The following ZP4 variants were observed in gnomAD, a reference collection of about 807,000 sequenced individuals.
ZP4 encodes the protein zona pellucida sperm-binding protein 4.
A neutral mutation model predicts 62.3 loss-of-function variants in ZP4; 62 were observed. The ratio of observed to expected loss-of-function variants is 0.99; its 90% CI spans 0.81 to 1.23. The LOEUF (loss-of-function observed/expected upper bound fraction) is 1.23. Ranked by LOEUF, ZP4 falls within the 50% of genes most tolerant of loss-of-function variation. The pLI, the probability that ZP4 is intolerant of heterozygous loss-of-function variation, is 0.00. For synonymous variants in ZP4, 289 were observed against 247.3 expected (o/e 1.17, Z -1.58); for missense variants, 774 against 656.0 (o/e 1.18, Z -1.97).
At chr1:237,884,053 A>C (rs113235024) in intron 10 of ZP4, among the ~76,000 whole-genome samples, 122 of 124,350 alleles carry the variant, frequency 9.8e-4, no homozygotes, top group African/African-American at 2.3e-3. Flanking sequence ...AACACACACA[A>C]ACACACACAA....
At chr1:237,886,893 T>A (rs1263522099) in intron 5 of ZP4, 25 bp from the exon 6 acceptor site, 1 of 1,594,458 alleles carries the variant, frequency 6.3e-7, no homozygotes, top group African/African-American at 1.3e-5. Flanking sequence ...GGAGAAGTCT[T>A]GATCATTTCT....
intron 5 of ZP4, 107 bp downstream of exon 5, chr1:237,887,267 G>GT: frequency 1.2e-5 from 16 of 1,299,586 alleles, no homozygotes; most frequent in Non-Finnish European, 1.7e-5. Context: ...ACTCCAAGTA[G>GT]TAGTCACAAG....
Position 237,890,494 on chromosome 1 carries a change from C to A in ZP4, c.142G>T (p.Glu48Ter). 1 of 1,613,784 alleles carries A rather than the reference C, an allele frequency of 6.2e-7. No individual in the cohort carries two copies. The highest frequency in any genetic ancestry group is 8.5e-7 in the Non-Finnish European group (1 of 1,179,934). ...ATTAGTACAGGAGGAGACGTTGCCT[C>A]CTGGTTGAGGTTTACAGCAAACTGG... Reference protein sequence around the residue: ...SFQFAVNLNQEATSPPVLIAW... With the variant: ...SFQFAVNLNQ The change falls in exon 1 of 12, where the codon GAG becomes TAG. Residue 48 changes from glutamate to a stop codon, truncating the protein, a stop_gained. Transcript: ENST00000366570. LOFTEE classifies it high-confidence loss of function.
chr1:237,885,000 G>T (rs759124039), intron 9 of ZP4, among the ~76,000 whole-genome samples, 153 bp from the exon 10 acceptor site: 4 of 152,210 alleles, frequency 2.6e-5, no homozygotes, highest in Non-Finnish European at 5.9e-5. Flanking sequence ...CTGGAGTCCA[G>T]TTGACAGATG....
intron 3 of ZP4, among the ~76,000 whole-genome samples, chr1:237,889,522 T>C (rs904051963): frequency 6.6e-6 from 1 of 151,946 alleles, no homozygotes; most frequent in African/African-American, 2.4e-5. Flanking sequence ...TTCTCCATGT[T>C]GGTCAGGCTG....
chr1:237,886,968 G>T, intron 5 of ZP4, 100 bp from the exon 6 acceptor site: 1 of 1,009,288 alleles, frequency 9.9e-7, no homozygotes, highest in East Asian at 2.4e-5. Flanking sequence ...CTGTTGTATG[G>T]TATATTTCCT....
At position 237,882,739 on chromosome 1, in the gene ZP4, T is replaced by TA. The variant is rs755203810; in HGVS notation, c.1495+2dup. 3.1e-6 allele frequency: 5 copies of TA among 1,613,814 alleles called. No homozygotes were observed. Among genetic ancestry groups the TA allele is most frequent in the East Asian group, 2.2e-5 (1 of 44,878 alleles). On this transcript the variant is annotated splice_region_variant and intron_variant, in intron 11 of 11. Coordinates refer to ENST00000366570, the MANE Select transcript of ZP4 (RefSeq NM_021186.5). ...TTTGATCTCCTCCCTCTTGGATACT[T>TA]ACGGAGCTTTTCTGGAGGGTCCTTA...
chr1:237,882,694 T>G, intron 11 of ZP4, 48 bp downstream of exon 11: 2 of 1,600,860 alleles, frequency 1.2e-6, no homozygotes. Flanking sequence ...GTTGCTTTGA[T>G]TAGTAATTTA....
At chr1:237,887,803 A>G (rs989360820) in intron 4 of ZP4, among the ~76,000 whole-genome samples, 1 of 152,128 alleles carries the variant, frequency 6.6e-6, no homozygotes, top group Non-Finnish European at 1.5e-5. Flanking sequence ...TCCTTGCTTC[A>G]GTTTCATGTG....
Position 237,885,453 on chromosome 1 carries a change from C to G in ZP4, c.1098G>C (p.Gln366His), listed in dbSNP as rs372087745. The G allele has an allele frequency of 1.2e-6, 2 of 1,614,080 alleles. No homozygotes were observed. The highest frequency in any genetic ancestry group is 3.3e-5 in the Admixed American group (2 of 60,018). Residue 366 changes from glutamine to histidine, a missense_variant, in exon 8 of 12, where the codon CAG becomes CAC. Gln to His is a conservative substitution (Grantham distance 24). Transcript: ENST00000366570. ...TDPYLGLLLQ[Q>H]CWATPSTDPL... is the part of the protein sequence containing the mutation. ...GGTCAGTGCTGGGTGTTGCCCAACA[C>G]TGTTGTAGGAGCAGCCCCAGGTAGG... is the stretch of plus-strand genomic sequence containing the variant.
intron 11 of ZP4, 40 bp downstream of exon 11, chr1:237,882,702 T>G (rs1457604619): frequency 1.2e-6 from 2 of 1,603,792 alleles, no homozygotes; most frequent in African/African-American, 2.7e-5. Flanking sequence ...GATTAGTAAT[T>G]TAGTTCACTA....
chr1:237,887,893 AG>A (rs1171903806), intron 4 of ZP4, among the ~76,000 whole-genome samples: 6 of 152,098 alleles, frequency 3.9e-5, no homozygotes, highest in Non-Finnish European at 5.9e-5. Context: ...TGCGATTATT[AG>A]GTTGGTAGAG....
chr1:237,883,753 G>GAGAGGAAGAGAGAGGAAGAGAGAGGA (rs1664989775), intron 10 of ZP4, among the ~76,000 whole-genome samples: 1 of 59,460 alleles, frequency 1.7e-5, no homozygotes, highest in African/African-American at 8.5e-5. Context: ...GAGAGAGAGG[G>GAGAGGAAGAGAGAGGAAGAGAGAGGA]AGAGAGAGGG....
chr1:237,889,421 C>T (rs997120395), intron 3 of ZP4, among the ~76,000 whole-genome samples: 2 of 151,216 alleles, frequency 1.3e-5, no homozygotes, highest in East Asian at 2.0e-4. Flanking sequence ...CAGGTTCAAG[C>T]GATTCTCCTG....
chr1:237,890,214 C>T lies in ZP4; in HGVS notation c.176-38G>A, dbSNP rs1253113037. On this transcript the variant is annotated intron_variant, in intron 1 of 11. Coordinates refer to ENST00000366570, the MANE Select transcript of ZP4 (RefSeq NM_021186.5). ...GGAAGAGGTGAGAAAACACAGCGGT[C>T]AGTCTCCAGTGCCAGAAAGGATAGT... is the stretch of plus-strand genomic sequence containing the variant. 3.1e-6 allele frequency: 5 copies of T among 1,612,356 alleles called. No homozygotes were observed. The Admixed American group carries it at 8.3e-5, about 27-fold the overall frequency.
At chr1:237,886,019 G>T (rs1665093703) in intron 6 of ZP4, 133 bp from the exon 7 acceptor site, 7 of 1,231,522 alleles carry the variant, frequency 5.7e-6, no homozygotes, top group Non-Finnish European at 7.8e-6. Context: ...TTCCTGCCCT[G>T]CTGGGAGCTG....
Position 237,890,582 on chromosome 1 carries a change from A to C in ZP4, c.54T>G (p.Ser18Arg), listed in dbSNP as rs141497725. 5.0e-6 allele frequency: 8 copies of C among 1,613,914 alleles called. No homozygotes were observed. The African/African-American group carries it at 9.4e-5, about 19-fold the overall frequency. Residue 18 changes from serine (S) to arginine (R), a missense_variant, in exon 1 of 12, where the codon AGT (serine) becomes AGG (arginine). Transcript: ENST00000366570. ...LLCVSLSLAV[S>R]GQHKPEAPDY... ...CTGGTGCCTCAGGCTTATGCTGGCC[A>C]CTCACAGCAAGAGATAATGAAACAC... is the stretch of plus-strand genomic sequence containing the variant.
Position 237,890,504 on chromosome 1 carries a change from G to A in ZP4, c.132C>T (p.Asn44=), listed in dbSNP as rs143443812. 10 of 1,614,026 alleles carry A rather than the reference G, an allele frequency of 6.2e-6. No individual in the cohort carries two copies. The African/African-American group carries it at 1.2e-4, about 19-fold the overall frequency. The change falls in exon 1 of 12, where the codon AAC becomes AAT. Residue 44 remains asparagine (N), a synonymous_variant. Coordinates refer to ENST00000366570, the MANE Select transcript of ZP4 (RefSeq NM_021186.5). ...GAGGAGACGTTGCCTCCTGGTTGAG[G>A]TTTACAGCAAACTGGAAGCTCCACG... ...CGPWSFQFAV[N]LNQEATSPPV...
chr1:237,884,805 T>C lies in ZP4; in HGVS notation c.1354A>G (p.Thr452Ala). 6.2e-7 allele frequency: 1 copy of C among 1,613,802 alleles called. No individual in the cohort carries two copies. The highest frequency in any genetic ancestry group is 8.5e-7 in the Non-Finnish European group (1 of 1,179,880). ...CSVSVCQPAE[T>A]PSCVVTCPDL... ...GGACAGGTCACCACACAGGATGGTG[T>C]CTCAGCAGGCTGGCAGACTGACACG... Residue 452 changes from threonine to alanine, a missense_variant, in exon 10 of 12, where the codon ACA (threonine) becomes GCA (alanine). Thr to Ala is a moderately conservative substitution (Grantham distance 58). Transcript: ENST00000366570.
Sources: gnomAD v4.1 joint callset for allele counts (sites outside exome capture counted in the v4.1 genomes callset) on GRCh38, gnomAD v4.1.1 for gene constraint, MANE v1.5 for transcripts, NCBI Gene and HGNC (gene_info 2026-07-23, HGNC 2026-07-21) for gene names.